FRS2: variants seen among roughly 807,000 people sequenced by gnomAD.
FRS2 encodes the protein FGFR signalling adaptor.
A neutral mutation model predicts 43.9 loss-of-function variants in FRS2; 8 were observed. The ratio of observed to expected loss-of-function variants is 0.18; its 90% CI spans 0.11 to 0.33. The LOEUF (loss-of-function observed/expected upper bound fraction) is 0.33, where lower values mean the gene tolerates loss of function less well. Ranked by LOEUF, FRS2 falls within the 10% of genes least tolerant of loss-of-function variation. The probability of loss-of-function intolerance (pLI) is 1.00; values close to 1 mark genes in which losing one functional copy is unlikely to be tolerated. For missense variants in FRS2, 534 were observed against 627.6 expected (o/e 0.85, Z 1.59); for synonymous variants, 219 against 220.3 (o/e 0.99, Z 0.05).
chr12:69,474,836 GA>G (rs1467127929), intron 1 of FRS2, among the ~76,000 whole-genome samples: 1 of 152,114 alleles, frequency 6.6e-6, no homozygotes, highest in Non-Finnish European at 1.5e-5. Context: ...TCAAAATCAA[GA>G]ACCTCTGAAT....
At chr12:69,567,753 C>T (rs1003997394) in intron 4 of FRS2, among the ~76,000 whole-genome samples, 1 of 152,156 alleles carries the variant, frequency 6.6e-6, no homozygotes, top group African/African-American at 2.4e-5. Flanking sequence ...AAGGGAGCAG[C>T]TTGGAAGGAT....
intron 1 of FRS2, among the ~76,000 whole-genome samples, chr12:69,487,187 G>A (rs1048073375): frequency 1.4e-4 from 22 of 152,210 alleles, no homozygotes; most frequent in African/African-American, 5.3e-4. Flanking sequence ...ATTGATGAAG[G>A]TGGCTACCCT....
intron 1 of FRS2, among the ~76,000 whole-genome samples, chr12:69,519,698 G>A (rs1875434851): frequency 6.6e-6 from 1 of 152,132 alleles, no homozygotes; most frequent in South Asian, 2.1e-4. Flanking sequence ...TTAGGATAAT[G>A]GCCTCCAGCT....
At position 69,575,010 on chromosome 12, in the gene FRS2, G is replaced by T; in HGVS notation, c.*55G>T. On this transcript the variant is annotated 3_prime_UTR_variant, in exon 9 of 9. Coordinates refer to ENST00000549921, the MANE Select transcript of FRS2 (RefSeq NM_001278356.2). ...TTGTGAAGTTTTTAAAAATGAAGAT[G>T]CAAGTGCTTCATTTTCATTTCTAAA... 8.8e-7 allele frequency: 1 copy of T among 1,141,044 alleles called. No homozygotes were observed. Among genetic ancestry groups the T allele is most frequent in the South Asian group, 1.4e-5 (1 of 71,760 alleles). 70.7% of individuals were successfully genotyped at this position (1,141,044 alleles called of 1,614,324 possible).
chr12:69,564,389 A>C (rs574057631), intron 4 of FRS2, among the ~76,000 whole-genome samples: 1 of 152,192 alleles, frequency 6.6e-6, no homozygotes, highest in African/African-American at 2.4e-5. Flanking sequence ...ATGTGTTCTA[A>C]TGTTTTACCT....
At chr12:69,564,807 T>C (rs942182054) in intron 4 of FRS2, among the ~76,000 whole-genome samples, 2 of 152,254 alleles carry the variant, frequency 1.3e-5, no homozygotes, top group African/African-American at 4.8e-5. Flanking sequence ...CTCACTTTTC[T>C]ACTTAAAATA....
At chr12:69,528,182 A>G (rs531492456) in intron 1 of FRS2, among the ~76,000 whole-genome samples, 2 of 152,288 alleles carry the variant, frequency 1.3e-5, no homozygotes, top group South Asian at 4.1e-4. Flanking sequence ...CAGCCATAGA[A>G]TGTTTAAAAG....
chr12:69,564,732 C>T (rs958276770), intron 4 of FRS2, among the ~76,000 whole-genome samples: 1 of 151,906 alleles, frequency 6.6e-6, no homozygotes, highest in Non-Finnish European at 1.5e-5. Flanking sequence ...ATTTTCTTTC[C>T]TCTGAGCTAA....
At position 69,570,311 on chromosome 12, in the gene FRS2, C is replaced by T. The variant is rs1378192706; in HGVS notation, c.67-20C>T. 2.5e-6 allele frequency: 4 copies of T among 1,578,742 alleles called. No individual in the cohort carries two copies. The highest frequency in any genetic ancestry group is 2.6e-6 in the Non-Finnish European group (3 of 1,148,100). On this transcript the variant is annotated intron_variant, in intron 5 of 8. Transcript: ENST00000549921. ...ACGAATTGGTGACATATTTGCATGA[C>T]TGTCACCTTCTTTTTTTAGGTCATT...
intron 1 of FRS2, among the ~76,000 whole-genome samples, chr12:69,473,732 C>T (rs1020526144): frequency 6.6e-6 from 1 of 152,032 alleles, no homozygotes; most frequent in Non-Finnish European, 1.5e-5. Flanking sequence ...AAATACTGGG[C>T]AAGGGCAGTG....
intron 6 of FRS2, 39 bp from the exon 7 acceptor site, chr12:69,571,232 TAAAGG>T (rs1303950983): frequency 7.3e-7 from 1 of 1,363,552 alleles, no homozygotes; most frequent in Admixed American, 2.3e-5. Flanking sequence ...TAGTTTTTTT[TAAAGG>T]TATGTTAACT....
intron 4 of FRS2, among the ~76,000 whole-genome samples, chr12:69,565,909 TTTATCA>T (rs1880255929): frequency 6.6e-6 from 1 of 152,190 alleles, no homozygotes; most frequent in African/African-American, 2.4e-5. Context: ...TACATAGTCA[TTTATCA>T]TTATCAAGTA....
At chr12:69,569,859 C>G (rs73323723) in intron 5 of FRS2, among the ~76,000 whole-genome samples, 2,893 of 152,320 alleles carry the variant, frequency 0.019, 100 homozygotes, top group African/African-American at 0.066. Flanking sequence ...CATATGAACT[C>G]TGTGCCAATC....
At chr12:69,485,571 C>G (rs1035635132) in intron 1 of FRS2, among the ~76,000 whole-genome samples, 2 of 151,968 alleles carry the variant, frequency 1.3e-5, no homozygotes, top group African/African-American at 4.8e-5. Flanking sequence ...CAACCTCCAC[C>G]TCCCAAGTTC....
chr12:69,502,978 C>G (rs549530821), intron 1 of FRS2, among the ~76,000 whole-genome samples: 4 of 152,126 alleles, frequency 2.6e-5, no homozygotes, highest in Non-Finnish European at 5.9e-5. Flanking sequence ...TCAGTGGCAC[C>G]CACAGTTCTA....
chr12:69,504,623 T>C (rs547650219), intron 1 of FRS2, among the ~76,000 whole-genome samples: 5 of 152,352 alleles, frequency 3.3e-5, no homozygotes, highest in African/African-American at 1.2e-4. Flanking sequence ...ATAAAAAATA[T>C]ATTTTTTCTC....
chr12:69,478,578 A>C (rs1446181459), intron 1 of FRS2, among the ~76,000 whole-genome samples: 2 of 152,300 alleles, frequency 1.3e-5, no homozygotes, highest in East Asian at 3.9e-4. Context: ...TGTTGAATGA[A>C]ATAATTCATC....
intron 4 of FRS2, among the ~76,000 whole-genome samples, chr12:69,566,361 T>G (rs1471277047): frequency 6.6e-6 from 1 of 152,164 alleles, no homozygotes; most frequent in Non-Finnish European, 1.5e-5. Flanking sequence ...AGAACAAATA[T>G]GTACTTTCAA....
At chr12:69,571,130 C>A (rs897596343) in intron 6 of FRS2, 146 bp from the exon 7 acceptor site, 1 of 552,918 alleles carries the variant, frequency 1.8e-6, no homozygotes, top group African/African-American at 1.9e-5. Flanking sequence ...AGAGAATAAT[C>A]ATTAATTTAT....
Sources: gnomAD v4.1 joint callset for allele counts (sites outside exome capture counted in the v4.1 genomes callset) on GRCh38, gnomAD v4.1.1 for gene constraint, MANE v1.5 for transcripts, NCBI Gene and HGNC (gene_info 2026-07-23, HGNC 2026-07-21) for gene names.